AKAP9: variants seen among roughly 807,000 people sequenced by gnomAD.
AKAP9 encodes A-kinase anchor protein 9.
Under a neutral mutation model 488.5 loss-of-function variants are expected in AKAP9, and 311 were observed. The observed-to-expected ratio is 0.64, with a 90% confidence interval of 0.58 to 0.70. The LOEUF (loss-of-function observed/expected upper bound fraction) is 0.70. Ranked by LOEUF, AKAP9 falls within the 30% of genes least tolerant of loss-of-function variation. The pLI, the probability that AKAP9 is intolerant of heterozygous loss-of-function variation, is 0.00. For missense variants in AKAP9, 4,215 were observed against 4,374.5 expected (o/e 0.96, Z 1.03); for synonymous variants, 1,462 against 1,483.5 (o/e 0.99, Z 0.33).
chr7:92,087,734 G>C (rs1442710508), intron 37 of AKAP9, among the ~76,000 whole-genome samples: 1 of 151,552 alleles, frequency 6.6e-6, no homozygotes, highest in African/African-American at 2.4e-5. Flanking sequence ...AAGAATGAAG[G>C]GAACATGTCG....
intron 16 of AKAP9, 59 bp downstream of exon 16, chr7:92,031,663 A>G: frequency 1.5e-6 from 2 of 1,294,574 alleles, no homozygotes; most frequent in Non-Finnish European, 2.2e-6. Context: ...GAGCCTTCAA[A>G]AAGAACATAG....
At chr7:92,027,607 G>A (rs13307334) in intron 14 of AKAP9, among the ~76,000 whole-genome samples, 2 of 124,166 alleles carry the variant, frequency 1.6e-5, no homozygotes, top group Admixed American at 8.0e-5. Flanking sequence ...AGTGAGGAGC[G>A]CCTCTGCCTG....
At chr7:92,054,378 ATG>A (rs1375650563) in intron 22 of AKAP9, among the ~76,000 whole-genome samples, 1 of 152,052 alleles carries the variant, frequency 6.6e-6, no homozygotes, top group Admixed American at 6.6e-5. Context: ...TTATAACAAA[ATG>A]TAAAACAGCT....
chr7:92,070,714 C>A (rs960464871), intron 27 of AKAP9, among the ~76,000 whole-genome samples, 191 bp from the exon 28 acceptor site: 1 of 148,430 alleles, frequency 6.7e-6, no homozygotes, highest in Non-Finnish European at 1.5e-5. Context: ...GGATTACAGG[C>A]GTGAGCCATC....
intron 9 of AKAP9, among the ~76,000 whole-genome samples, chr7:92,013,389 A>G (rs1363709787): frequency 6.6e-6 from 1 of 152,130 alleles, no homozygotes; most frequent in Non-Finnish European, 1.5e-5. Context: ...GTGAGAAAGT[A>G]GTTGGGGTTA....
chr7:92,006,705 C>T (rs1383747318), intron 8 of AKAP9, among the ~76,000 whole-genome samples: 1 of 152,130 alleles, frequency 6.6e-6, no homozygotes, highest in Non-Finnish European at 1.5e-5. Flanking sequence ...ATCTCTAATA[C>T]ACTTAGGTAG....
intron 2 of AKAP9, among the ~76,000 whole-genome samples, chr7:91,974,254 G>A (rs1336904272): frequency 1.3e-5 from 2 of 152,314 alleles, no homozygotes; most frequent in East Asian, 3.9e-4. Flanking sequence ...AATTATTCTA[G>A]TGGAGAAGGC....
chr7:92,014,381 A>T, intron 10 of AKAP9, 53 bp downstream of exon 10: 1 of 1,320,650 alleles, frequency 7.6e-7, no homozygotes, highest in Non-Finnish European at 1.1e-6. Flanking sequence ...GACACTTATA[A>T]TCCCAGCACT....
At chr7:92,021,900 A>C (rs1314823818) in intron 12 of AKAP9, among the ~76,000 whole-genome samples, 3 of 152,244 alleles carry the variant, frequency 2.0e-5, no homozygotes, top group African/African-American at 7.2e-5. Flanking sequence ...TTTATTATGT[A>C]TGAATTGAAA....
Position 92,083,304 on chromosome 7 carries a change from C to T in AKAP9, c.8295C>T (p.Cys2765=). The change falls in exon 33 of 50, where the codon TGC becomes TGT. Residue 2765 remains cysteine (C), a synonymous_variant. Coordinates refer to ENST00000356239, the MANE Select transcript of AKAP9 (RefSeq NM_005751.5). ...ETEVQESKKA[C]MFEPLPIKLS... is the part of the protein sequence containing the mutation. ...AGGTACAAGAAAGCAAAAAGGCCTG[C>T]ATGTTTGAGCCACTTCCTATAAAAC... 6.2e-7 allele frequency: 1 copy of T among 1,614,076 alleles called. No homozygotes were observed. Among genetic ancestry groups the T allele is most frequent in the Non-Finnish European group, 8.5e-7 (1 of 1,180,012 alleles).
At chr7:91,998,418 CTT>C (rs60778133) in intron 7 of AKAP9, among the ~76,000 whole-genome samples, 2 of 53,962 alleles carry the variant, frequency 3.7e-5, no homozygotes, top group Admixed American at 2.9e-4. Flanking sequence ...CCACAGGGCT[CTT>C]TTTTTTTTTT....
intron 31 of AKAP9, among the ~76,000 whole-genome samples, chr7:92,081,299 T>C (rs1362994735): frequency 6.6e-6 from 1 of 150,844 alleles, no homozygotes; most frequent in East Asian, 1.9e-4. Flanking sequence ...GGGTGACATA[T>C]TTTACAATTT....
At chr7:92,006,562 G>A (rs979498643) in intron 8 of AKAP9, among the ~76,000 whole-genome samples, 12 of 152,098 alleles carry the variant, frequency 7.9e-5, no homozygotes, top group South Asian at 2.1e-4. Context: ...CTTCCTGCCC[G>A]TTCATCATTA....
intron 7 of AKAP9, among the ~76,000 whole-genome samples, chr7:91,998,418 CTTTTTTTTTTTTTT>C (rs60778133): frequency 2.1e-3 from 113 of 53,992 alleles, no homozygotes; most frequent in African/African-American, 5.6e-3. Context: ...CCACAGGGCT[CTTTTTTTTTTTTTT>C]TTTTTTTTTT....
chr7:92,097,645 A>G lies in AKAP9; in HGVS notation c.10458A>G (p.Ile3486Met). Residue 3486 changes from isoleucine (I) to methionine (M), a missense_variant, in exon 42 of 50, where the codon ATA becomes ATG. Transcript: ENST00000356239. ...RTRNWVLQQKIEGETKESNYA... is the reference protein window; with the variant it reads ...RTRNWVLQQKMEGETKESNYA... ...GAAATTGGGTTCTTCAACAGAAAAT[A>G]GAAGGAGAAACAAAAGAATCAAACT... 6.2e-7 allele frequency: 1 copy of G among 1,614,130 alleles called. No individual in the cohort carries two copies. Among genetic ancestry groups the G allele is most frequent in the Non-Finnish European group, 8.5e-7 (1 of 1,180,032 alleles).
rs912787817 is a variant in AKAP9, at chr7:92,097,589, A to G, written c.10402A>G (p.Thr3468Ala). The change falls in exon 42 of 50, where the codon ACC becomes GCC. Residue 3468 changes from threonine to alanine, a missense_variant. Transcript: ENST00000356239. ...TTATTCTGTCCAAAATTGCCAGCCAACCACGTGGAGCTTAACCAGTGATAG... is the reference window on the plus strand; with the variant it reads ...TTATTCTGTCCAAAATTGCCAGCCAGCCACGTGGAGCTTAACCAGTGATAG... Reference protein sequence around the residue: ...RILYQNLNEPTTWSLTSDRTR... With the variant: ...RILYQNLNEPATWSLTSDRTR... 2 of 1,613,212 alleles carry G rather than the reference A, an allele frequency of 1.2e-6. No homozygotes were observed. The highest frequency in any genetic ancestry group is 8.5e-7 in the Non-Finnish European group (1 of 1,179,930).
intron 46 of AKAP9, among the ~76,000 whole-genome samples, chr7:92,105,125 T>C (rs1256569433): frequency 6.6e-6 from 1 of 152,200 alleles, no homozygotes; most frequent in African/African-American, 2.4e-5. Context: ...CAAAAGCTCC[T>C]TGGGCCAAGA....
chr7:92,101,130 A>C (rs1817454295), intron 45 of AKAP9, 74 bp downstream of exon 45: 2 of 1,456,012 alleles, frequency 1.4e-6, no homozygotes, highest in Non-Finnish European at 1.9e-6. Context: ...CACTGACCTT[A>C]AATAAACAGT....
At chr7:91,962,060 G>A (rs1584593121) in intron 1 of AKAP9, among the ~76,000 whole-genome samples, 2 of 152,194 alleles carry the variant, frequency 1.3e-5, no homozygotes, top group East Asian at 1.9e-4. Context: ...AAACACAGAT[G>A]GCTGTAGTCT....
Sources: gnomAD v4.1 joint callset for allele counts (sites outside exome capture counted in the v4.1 genomes callset) on GRCh38, gnomAD v4.1.1 for gene constraint, MANE v1.5 for transcripts, NCBI Gene and HGNC (gene_info 2026-07-23, HGNC 2026-07-21) for gene names.